Variants in PRAME observed in about 807,000 individuals in gnomAD.
PRAME encodes PRAME nuclear receptor transcriptional regulator, also known as melanoma antigen preferentially expressed in tumors.
Under a neutral mutation model 32.1 loss-of-function variants are expected in PRAME, and 21 were observed. The ratio of observed to expected loss-of-function variants is 0.65; its 90% CI spans 0.46 to 0.94. The LOEUF is 0.94. Ranked by LOEUF, PRAME falls within the 40% of genes least tolerant of loss-of-function variation. PRAME has a pLI of 0.00. For synonymous variants in PRAME, 274 were observed against 251.5 expected, an observed-to-expected ratio of 1.09 and a Z score of -0.85; for missense variants, 651 against 622.3, an observed-to-expected ratio of 1.05 and a Z score of -0.49.
intron 2 of PRAME, 143 bp from the exon 3 acceptor site, chr22:22,557,052 T>G (rs2062971345): frequency 3.3e-6 from 2 of 612,622 alleles, no homozygotes; most frequent in Non-Finnish European, 5.8e-6. Context: ...AGTGCAAATC[T>G]CTGGCTCCAA....
chr22:22,553,059 T>C (rs2062694233), intron 3 of PRAME: 2 of 386,342 alleles, frequency 5.2e-6, no homozygotes, highest in Non-Finnish European at 5.3e-6. Context: ...GGGATGTCTA[T>C]TTACAAAAAG....
intron 3 of PRAME, chr22:22,555,967 G>A (rs1569228437): frequency 2.2e-6 from 1 of 455,370 alleles, no homozygotes; most frequent in Admixed American, 2.4e-5. Flanking sequence ...TCGTGGCTTT[G>A]GCAATAAGGT....
Position 22,550,015 on chromosome 22 carries a change from C to A in PRAME, c.664G>T (p.Asp222Tyr), listed in dbSNP as rs766765036. Residue 222 changes from aspartate (D) to tyrosine (Y), a missense_variant, in exon 5 of 6, where the codon GAT (aspartate) becomes TAT (tyrosine). Physicochemically the swap from Asp to Tyr is radical, Grantham distance 160 (BLOSUM62 -3). Transcript: ENST00000405655. ...KLKIFAMPMQ[D>Y]IKMILKMVQL... Reference sequence around the variant, plus strand: ...ACCATTTTCAGGATCATCTTGATATCCTGCATGGGCATTGCAAAAATCTTC... The same window carrying A: ...ACCATTTTCAGGATCATCTTGATATACTGCATGGGCATTGCAAAAATCTTC... 3 of 1,613,838 alleles carry A rather than the reference C, an allele frequency of 1.9e-6. No homozygotes were observed.
chr22:22,548,110 TAGA>T lies in PRAME; in HGVS notation c.1484_1486del (p.Phe495del), dbSNP rs749673907. 1,950 of 1,613,608 alleles carry T rather than the reference TAGA, an allele frequency of 1.2e-3. 3 individuals carry two copies. The highest frequency in any genetic ancestry group is 1.3e-3 in the Non-Finnish European group (1,532 of 1,179,884). On this transcript the variant is annotated inframe_deletion, in exon 6 of 6. Transcript: ENST00000405655. Reference sequence around the variant, plus strand: ...GGGGCACAGGATGGGCTCCGGGTCATAGAAGGTTCTGTCCCCACAGTGAGGACA... The same window carrying T: ...GGGGCACAGGATGGGCTCCGGGTCATAGGTTCTGTCCCCACAGTGAGGACA...
rs200602495 is a variant in PRAME at position 22,549,930 on chromosome 22, G to T, written c.749C>A (p.Ala250Glu). ...VTCTWKLPTL[A>E]KFSPYLGQMI... ...CTGGCCCAGGTAAGGAGAAAATTTC[G>T]CCAAGGTGGGTAGCTTCCAGGTACA... is the stretch of plus-strand genomic sequence containing the variant. Residue 250 changes from alanine (A) to glutamate (E), a missense_variant, in exon 5 of 6, where the codon GCG (alanine) becomes GAG (glutamate). Transcript: ENST00000405655. 1.9e-6 allele frequency: 3 copies of T among 1,613,802 alleles called. No homozygotes were observed. The highest frequency in any genetic ancestry group is 2.5e-6 in the Non-Finnish European group (3 of 1,179,954).
At position 22,555,238 on chromosome 22, in the gene PRAME, T is replaced by C. The variant is rs562477229; in HGVS notation, c.21+1574A>G. ...CTCCTCTCTAGTCATAGAATCCCAG[T>C]GGGGACCCCCGAAGTATCTGCACCA... On this transcript the variant is annotated intron_variant, in intron 3 of 5. Coordinates refer to ENST00000405655, the MANE Select transcript of PRAME (RefSeq NM_206956.3). Among the ~76,000 whole-genome samples the C allele has an allele frequency of 4.6e-4, 70 of 151,984 alleles. No individual in the cohort carries two copies. The South Asian group carries it at 7.1e-3, about 15-fold the overall frequency.
chr22:22,555,924 T>C lies in PRAME; in HGVS notation c.21+888A>G, dbSNP rs1193880384. 19 of 470,074 alleles carry C rather than the reference T, an allele frequency of 4.0e-5. 1 individual carries two copies. The highest frequency in any genetic ancestry group is 2.8e-4 in the South Asian group (18 of 64,466). The allele number at this position is 470,074 out of a possible 1,614,324, so 29.1% of individuals were successfully genotyped here. A position where few individuals can be genotyped will look rare whatever the true frequency, so the allele number is the denominator to read the frequency against. ...ACCACTGGAAGTGTGGGCTTTTGCG[T>C]CTGATTACCCCGGGGAAAGGTTCTG... On this transcript the variant is annotated intron_variant, in intron 3 of 5. Coordinates refer to ENST00000405655, the MANE Select transcript of PRAME (RefSeq NM_206956.3).
rs564292267 is a variant in PRAME, at chr22:22,557,032, C to T, written c.-77-123G>A. 7.7e-6 allele frequency: 5 copies of T among 648,378 alleles called. No homozygotes were observed. The East Asian group carries it at 8.3e-5, about 11-fold the overall frequency. The allele number at this position is 648,378 out of a possible 1,614,324, so 40.2% of individuals were successfully genotyped here. On this transcript the variant is annotated intron_variant, in intron 2 of 5. Transcript: ENST00000405655. Reference sequence around the variant, plus strand: ...GAAACTGACAACTGGCGACTCAATCCCGCCCTTTCAGTGCAAATCTCTGGC... The same window carrying T: ...GAAACTGACAACTGGCGACTCAATCTCGCCCTTTCAGTGCAAATCTCTGGC...
intron 4 of PRAME, 69 bp from the exon 5 acceptor site, chr22:22,550,403 T>C (rs2062497081): frequency 3.2e-6 from 5 of 1,543,844 alleles, no homozygotes; most frequent in Non-Finnish European, 4.4e-6. Context: ...ACCATGAGTC[T>C]CATAATGTAG....
At position 22,550,240 on chromosome 22, in the gene PRAME, G is replaced by C; in HGVS notation, c.439C>G (p.Pro147Ala). The C allele has an allele frequency of 6.2e-7, 1 of 1,613,768 alleles. No homozygotes were observed. Among genetic ancestry groups the C allele is most frequent in the Non-Finnish European group, 8.5e-7 (1 of 1,179,948 alleles). The stretch of plus-strand genomic sequence containing the variant: ...ATGGGCTGAGCTGCTTCTGGCTCTG[G>C]AAATGAGTACAGACTGGCCCTGTTT... ...SGNRASLYSF[P>A]EPEAAQPMTK... is the part of the protein sequence containing the mutation. The change falls in exon 5 of 6, where the codon CCA becomes GCA. Residue 147 changes from proline (P) to alanine (A), a missense_variant. By Grantham distance (27) the Pro-to-Ala change is conservative. Transcript: ENST00000405655.
chr22:22,550,768 TG>T lies in PRAME; in HGVS notation c.342del (p.Arg115GlyfsTer41). 1 of 1,576,196 alleles carries T rather than the reference TG, an allele frequency of 6.3e-7. No homozygotes were observed. The highest frequency in any genetic ancestry group is 1.7e-5 in the Admixed American group (1 of 57,514). ...LDVLLAQEVR[P>X]RRWKLQVLDL... is the part of the protein sequence containing the mutation. The stretch of plus-strand genomic sequence containing the variant: ...ACCAAGCTGCTAGGTCACCCTTACC[TG>T]GGGCGAACCTCCTGGGCAAGGAGCA... On this transcript the variant is annotated frameshift_variant and splice_region_variant, in exon 4 of 6. Coordinates refer to ENST00000405655, the MANE Select transcript of PRAME (RefSeq NM_206956.3). LOFTEE classifies it high-confidence loss of function.
intron 5 of PRAME, among the ~76,000 whole-genome samples, chr22:22,549,080 T>C (rs987132912): frequency 2.0e-5 from 3 of 151,968 alleles, no homozygotes; most frequent in African/African-American, 7.2e-5. Context: ...ATGAAGCTAC[T>C]AGGGAGTATT....
intron 3 of PRAME, chr22:22,555,694 A>G (rs2062864690): frequency 2.8e-6 from 1 of 353,854 alleles, no homozygotes; most frequent in South Asian, 2.2e-5. Context: ...AGTCCAACGC[A>G]CTGTGCCGTC....
intron 3 of PRAME, 43 bp downstream of exon 3, chr22:22,556,769 G>C (rs202062994): frequency 1.9e-5 from 31 of 1,611,530 alleles, no homozygotes; most frequent in African/African-American, 4.0e-5. Context: ...GAGGGGAACA[G>C]GGCTTCTCTG....
chr22:22,552,085 C>T lies in PRAME; in HGVS notation c.22-996G>A, dbSNP rs529044581. 6.3e-4 allele frequency among the ~76,000 whole-genome samples: 93 copies of T among 146,622 alleles called. 1 individual carries two copies. Among genetic ancestry groups the T allele is most frequent in the African/African-American group, 2.2e-3 (89 of 39,572 alleles). On this transcript the variant is annotated intron_variant, in intron 3 of 5. Transcript: ENST00000405655. ...ATGGTTTGAGCCCAGGAGTTCAAGA[C>T]CAGCCTGGGCAACACAAGGAGACCT...
At position 22,549,786 on chromosome 22, in the gene PRAME, A is replaced by G; in HGVS notation, c.893T>C (p.Leu298Pro). ...TAAAGAGTCCACATAGAGAGCCTGCAGGCACTGCAGACTGAGGAACTGAGA... is the reference window on the plus strand; with the variant it reads ...TAAAGAGTCCACATAGAGAGCCTGCGGGCACTGCAGACTGAGGAACTGAGA... ...FTSQFLSLQCLQALYVDSLFF... is the reference protein window; with the variant it reads ...FTSQFLSLQCPQALYVDSLFF... The change falls in exon 5 of 6, where the codon CTG becomes CCG. Residue 298 changes from leucine (L) to proline (P), a missense_variant. Leu to Pro is a moderately conservative substitution (Grantham distance 98, BLOSUM62 -3). Coordinates refer to ENST00000405655, the MANE Select transcript of PRAME (RefSeq NM_206956.3). 3 of 1,613,756 alleles carry G rather than the reference A, an allele frequency of 1.9e-6. No individual in the cohort carries two copies. Among genetic ancestry groups the G allele is most frequent in the Non-Finnish European group, 2.5e-6 (3 of 1,179,920 alleles).
Position 22,548,587 on chromosome 22 carries a change from C to T in PRAME, c.1010G>A (p.Gly337Glu), listed in dbSNP as rs1305661910. 1 of 1,611,856 alleles carries T rather than the reference C, an allele frequency of 6.2e-7. No individual in the cohort carries two copies. Among genetic ancestry groups the T allele is most frequent in the African/African-American group, 1.3e-5 (1 of 74,942 alleles). The change falls in exon 6 of 6, where the codon GGG (glycine) becomes GAG (glutamate). Residue 337 changes from glycine to glutamate, a missense_variant. By Grantham distance (98) the Gly-to-Glu change is moderately conservative (BLOSUM62 -2). Transcript: ENST00000405655. The stretch of plus-strand genomic sequence containing the variant: ...ACTCTGGGACAGATGCATCACATCC[C>T]CTTCCGAAAGCCGGCAGTTAGTTAT... ...LSITNCRLSE[G>E]DVMHLSQSPS...
At chr22:22,558,349 G>A (rs1218409104) in intron 1 of PRAME, among the ~76,000 whole-genome samples, 2 of 4,710 alleles carry the variant, frequency 4.2e-4, no homozygotes, top group African/African-American at 2.4e-3. Flanking sequence ...GGGGAAGGGA[G>A]ACAGAAGGGG....
chr22:22,555,397 C>T lies in PRAME; in HGVS notation c.21+1415G>A, dbSNP rs199860997. 1.3e-4 allele frequency among the ~76,000 whole-genome samples: 20 copies of T among 151,968 alleles called. No homozygotes were observed. In the East Asian group the frequency reaches 3.7e-3, roughly 28 times the overall value. On this transcript the variant is annotated intron_variant, in intron 3 of 5. Transcript: ENST00000405655. Reference sequence around the variant, plus strand: ...GATTACAAGCACACGCCCCCACACACGGCTATATTTTTGTATTTTTAGTAG... The same window carrying T: ...GATTACAAGCACACGCCCCCACACATGGCTATATTTTTGTATTTTTAGTAG...
Sources: gnomAD v4.1 joint callset for allele counts (sites outside exome capture counted in the v4.1 genomes callset) on GRCh38, gnomAD v4.1.1 for gene constraint, MANE v1.5 for transcripts, NCBI Gene and HGNC (gene_info 2026-07-23, HGNC 2026-07-21) for gene names.